Variants in SCEL observed in about 807,000 individuals in gnomAD.
The protein encoded by SCEL is sciellin.
A neutral mutation model predicts 117.6 loss-of-function variants in SCEL; 113 were observed. That is an observed-to-expected ratio of 0.96 (90% confidence interval 0.83 to 1.12). The LOEUF is 1.12. Ranked by LOEUF, SCEL falls within the 50% of genes most tolerant of loss-of-function variation. The pLI, the probability that SCEL is intolerant of heterozygous loss-of-function variation, is 0.00. For synonymous variants in SCEL, 270 were observed against 256.2 expected (o/e 1.05, Z -0.51); for missense variants, 785 against 810.8 (o/e 0.97, Z 0.39).
intron 4 of SCEL, among the ~76,000 whole-genome samples, chr13:77,560,524 C>T (rs937735203): frequency 2.0e-5 from 3 of 152,174 alleles, no homozygotes; most frequent in African/African-American, 7.2e-5. Flanking sequence ...GAAATAACAA[C>T]TACAGAGTTC....
intron 22 of SCEL, among the ~76,000 whole-genome samples, chr13:77,610,449 CAAAAAA>C (rs11356008): frequency 8.9e-6 from 1 of 112,530 alleles, no homozygotes. Context: ...AAGACTCCGT[CAAAAAA>C]AAAAAAAAAA....
At chr13:77,622,986 A>G (rs2154404489) in intron 27 of SCEL, among the ~76,000 whole-genome samples, 1 of 152,336 alleles carries the variant, frequency 6.6e-6, no homozygotes, top group Non-Finnish European at 1.5e-5. Flanking sequence ...CCATAAATGT[A>G]TAAAATTGTA....
At chr13:77,536,057 G>A (rs568776635) in intron 1 of SCEL, among the ~76,000 whole-genome samples, 2 of 151,946 alleles carry the variant, frequency 1.3e-5, no homozygotes, top group Non-Finnish European at 2.9e-5. Flanking sequence ...TCACAGAAAC[G>A]AGCACCTATT....
chr13:77,565,888 TCTC>T (rs2085261553), intron 5 of SCEL, among the ~76,000 whole-genome samples: 1 of 152,212 alleles, frequency 6.6e-6, no homozygotes, highest in African/African-American at 2.4e-5. Flanking sequence ...AAGTATAACT[TCTC>T]CTTCGGCTTT....
intron 9 of SCEL, among the ~76,000 whole-genome samples, chr13:77,579,307 A>G (rs910128138): frequency 6.6e-6 from 1 of 152,250 alleles, no homozygotes; most frequent in Admixed American, 6.5e-5. Flanking sequence ...GCATCATCTT[A>G]TAACTCTTTG....
At chr13:77,577,148 C>T (rs1002511827) in intron 9 of SCEL, among the ~76,000 whole-genome samples, 6 of 152,122 alleles carry the variant, frequency 3.9e-5, no homozygotes, top group East Asian at 1.9e-4. Context: ...TACCTGATTA[C>T]GCTGGCCAGA....
At chr13:77,625,063 T>TGGAA (rs1845649100) in intron 27 of SCEL, among the ~76,000 whole-genome samples, 2 of 152,212 alleles carry the variant, frequency 1.3e-5, no homozygotes, top group African/African-American at 4.8e-5. Flanking sequence ...GCATTAGCAC[T>TGGAA]GGAAGGGGAA....
chr13:77,581,796 G>A (rs2086277987), intron 9 of SCEL, among the ~76,000 whole-genome samples: 1 of 152,150 alleles, frequency 6.6e-6, no homozygotes, highest in Non-Finnish European at 1.5e-5. Flanking sequence ...CAGGTTAAAG[G>A]GACTGTCTCT....
intron 1 of SCEL, among the ~76,000 whole-genome samples, chr13:77,554,335 G>A (rs1201701663): frequency 6.6e-6 from 1 of 152,188 alleles, no homozygotes; most frequent in East Asian, 1.9e-4. Context: ...AATCCTCAAG[G>A]AAGGTGCAGT....
At chr13:77,544,629 G>C (rs1444739896) in intron 1 of SCEL, among the ~76,000 whole-genome samples, 3 of 152,176 alleles carry the variant, frequency 2.0e-5, no homozygotes, top group Non-Finnish European at 4.4e-5. Context: ...GATTGGGCTG[G>C]TGGGAGGAGT....
rs561643097 is a variant in SCEL, at chr13:77,557,031, G to A, written c.161+318G>A. Reference sequence around the variant, plus strand: ...ACATGACTTTCCAGTTTCCAAAAAGGTAACAGTTAATCCATGATCGGACAA... The same window carrying A: ...ACATGACTTTCCAGTTTCCAAAAAGATAACAGTTAATCCATGATCGGACAA... On this transcript the variant is annotated intron_variant, in intron 3 of 32. Coordinates refer to ENST00000349847, the MANE Select transcript of SCEL (RefSeq NM_144777.3). 2.0e-5 allele frequency among the ~76,000 whole-genome samples: 3 copies of A among 152,292 alleles called. No individual in the cohort carries two copies. The South Asian group carries it at 6.2e-4, about 32-fold the overall frequency.
At chr13:77,615,996 A>T (rs1468050178) in intron 24 of SCEL, among the ~76,000 whole-genome samples, 1 of 125,274 alleles carries the variant, frequency 8.0e-6, no homozygotes, top group East Asian at 2.5e-4. Context: ...CATAAAATTT[A>T]TGTCTCTCTG....
chr13:77,628,073 A>G lies in SCEL; in HGVS notation c.1691+64A>G, dbSNP rs1594169835. ...CTATATGCATCTGCATATATTGTAT[A>G]GCCTTAGAAGATTATATATATAAAA... On this transcript the variant is annotated intron_variant, in intron 28 of 32. Coordinates refer to ENST00000349847, the MANE Select transcript of SCEL (RefSeq NM_144777.3). 5 of 461,314 alleles carry G rather than the reference A, an allele frequency of 1.1e-5. No individual in the cohort carries two copies. In the East Asian group the frequency reaches 2.2e-4, roughly 21 times the overall value. The allele number at this position is 461,314 out of a possible 1,614,324, so 28.6% of individuals were successfully genotyped here.
intron 23 of SCEL, among the ~76,000 whole-genome samples, chr13:77,613,660 C>T (rs1010200591): frequency 2.0e-5 from 3 of 151,388 alleles, no homozygotes; most frequent in African/African-American, 7.3e-5. Flanking sequence ...CTTAATCCCT[C>T]TGAAATGCAA....
rs573655150 is a variant in SCEL at position 77,640,135 on chromosome 13, A to G, written c.1839-541A>G. ...GGTATCCTTATATCCTGAGTCTTACAGTGGCACCAAGAGGAGTGTTTTGGT... is the reference window on the plus strand; with the variant it reads ...GGTATCCTTATATCCTGAGTCTTACGGTGGCACCAAGAGGAGTGTTTTGGT... On this transcript the variant is annotated intron_variant, in intron 30 of 32. Coordinates refer to ENST00000349847, the MANE Select transcript of SCEL (RefSeq NM_144777.3). Among the ~76,000 whole-genome samples the G allele has an allele frequency of 1.1e-4, 16 of 152,266 alleles. No homozygotes were observed. The South Asian group carries it at 3.3e-3, about 32-fold the overall frequency.
At position 77,640,740 on chromosome 13, in the gene SCEL, AT is replaced by A; in HGVS notation, c.1907del (p.Leu636Ter). ...ACCCTTGGGTGTAGAAACTAAAATG[AT>A]TTTAGATGAATTACAAATTTGCTGC... Reference protein sequence around the residue: ...RKPLGVETKMILDELQICCHS... With the variant: ...RKPLGVETKMXLDELQICCHS... On this transcript the variant is annotated frameshift_variant, in exon 31 of 33. Coordinates refer to ENST00000349847, the MANE Select transcript of SCEL (RefSeq NM_144777.3). LOFTEE classifies it high-confidence loss of function. The A allele has an allele frequency of 6.2e-7, 1 of 1,606,292 alleles. No individual in the cohort carries two copies. Among genetic ancestry groups the A allele is most frequent in the South Asian group, 1.1e-5 (1 of 90,374 alleles).
At chr13:77,564,531 A>T (rs61688725) in intron 5 of SCEL, among the ~76,000 whole-genome samples, 9,518 of 152,206 alleles carry the variant, frequency 0.063, 370 homozygotes, top group East Asian at 0.088. Context: ...AAATGCCACA[A>T]ATCAAATTTT....
chr13:77,570,287 G>T (rs748489335), intron 8 of SCEL, among the ~76,000 whole-genome samples: 7 of 152,190 alleles, frequency 4.6e-5, no homozygotes, highest in Non-Finnish European at 1.0e-4. Flanking sequence ...CTTAGAAAAT[G>T]TGATTCATCT....
chr13:77,622,270 C>T (rs2089464913), intron 27 of SCEL, among the ~76,000 whole-genome samples: 1 of 152,088 alleles, frequency 6.6e-6, no homozygotes, highest in South Asian at 2.1e-4. Flanking sequence ...ATATTGCTGC[C>T]TATTAATAAA....
Sources: allele counts gnomAD v4.1 joint callset (sites outside exome capture counted in the v4.1 genomes callset), GRCh38; gene constraint gnomAD v4.1.1; transcripts MANE v1.5; gene names NCBI Gene and HGNC (gene_info 2026-07-23, HGNC 2026-07-21).